Variants in CDKL2 observed in about 807,000 individuals in gnomAD.
The protein encoded by CDKL2 is cyclin-dependent kinase-like 2.
A neutral mutation model predicts 63.9 loss-of-function variants in CDKL2; 64 were observed. The observed-to-expected ratio is 1.00, with a 90% CI of 0.82 to 1.23. The LOEUF is 1.23. CDKL2 is among the 50% of genes most tolerant of loss of function. The pLI, the probability that CDKL2 is intolerant of heterozygous loss-of-function variation, is 0.00. For synonymous variants in CDKL2, 211 were observed against 229.2 expected (o/e 0.92, Z 0.72); for missense variants, 656 against 668.0 (o/e 0.98, Z 0.20).
intron 6 of CDKL2, among the ~76,000 whole-genome samples, chr4:75,600,679 C>T (rs1729150574): frequency 6.6e-6 from 1 of 152,048 alleles, no homozygotes; most frequent in African/African-American, 2.4e-5. Flanking sequence ...AGGCTGGTCT[C>T]GAACTCTGAG....
rs181723140 is a variant in CDKL2, at chr4:75,587,476, G to C, written c.1647+4343C>G. Among the ~76,000 whole-genome samples, 228 of 151,992 alleles carry C rather than the reference G, an allele frequency of 1.5e-3. 1 individual carries two copies. Among genetic ancestry groups the C allele is most frequent in the African/African-American group, 5.4e-3 (223 of 41,482 alleles). On this transcript the variant is annotated intron_variant, in intron 12 of 13. Transcript: ENST00000307465. ...CTCAAAAGCAAAAACAAAACAAAAG[G>C]ACAAGAAGAGAATGCTATGAACAAC...
chr4:75,600,763 A>G (rs962982012), intron 6 of CDKL2, among the ~76,000 whole-genome samples: 6 of 152,198 alleles, frequency 3.9e-5, no homozygotes, highest in South Asian at 2.1e-4. Flanking sequence ...TTGCCCGCCA[A>G]TGAATTTTAC....
chr4:75,606,736 T>C lies in CDKL2; in HGVS notation c.542+447A>G, dbSNP rs576499953. ...CTGACAACAGAACTTGTAGAAAATA[T>C]TTTAGAAAGATTTCAATCAAAAGCA... On this transcript the variant is annotated intron_variant, in intron 4 of 13. Coordinates refer to ENST00000307465, the MANE Select transcript of CDKL2 (RefSeq NM_001330724.2). Among the ~76,000 whole-genome samples, 193 of 152,188 alleles carry C rather than the reference T, an allele frequency of 1.3e-3. 2 individuals are homozygous for C. Among genetic ancestry groups the C allele is most frequent in the Non-Finnish European group, 8.2e-4 (56 of 68,036 alleles).
chr4:75,595,051 G>C (rs553814641), intron 10 of CDKL2, among the ~76,000 whole-genome samples: 5 of 152,198 alleles, frequency 3.3e-5, no homozygotes, highest in Admixed American at 1.3e-4. Context: ...CCTGTGCTCT[G>C]TCTAAATACA....
chr4:75,615,960 A>T (rs1318969921), intron 2 of CDKL2, among the ~76,000 whole-genome samples: 1 of 152,234 alleles, frequency 6.6e-6, no homozygotes, highest in Non-Finnish European at 1.5e-5. Flanking sequence ...TGATCATGCC[A>T]CTGCACTTCA....
At chr4:75,619,000 G>A (rs546261650) in intron 2 of CDKL2, among the ~76,000 whole-genome samples, 27 of 152,212 alleles carry the variant, frequency 1.8e-4, no homozygotes, top group Non-Finnish European at 3.4e-4. Context: ...TCTGGACAAA[G>A]AAAACCCTAC....
At chr4:75,616,084 T>C (rs948263398) in intron 2 of CDKL2, among the ~76,000 whole-genome samples, 2 of 152,066 alleles carry the variant, frequency 1.3e-5, no homozygotes, top group Admixed American at 6.6e-5. Context: ...GAAAATGAAA[T>C]AGAAATAGAA....
chr4:75,598,246 A>G, intron 7 of CDKL2, 34 bp from the exon 8 acceptor site: 1 of 1,206,200 alleles, frequency 8.3e-7, no homozygotes, highest in Non-Finnish European at 1.1e-6. Context: ...AAATTGTAAG[A>G]CATGGATAAA....
intron 5 of CDKL2, 30 bp downstream of exon 5, chr4:75,605,492 A>G: frequency 7.5e-7 from 1 of 1,327,486 alleles, no homozygotes; most frequent in Non-Finnish European, 1.1e-6. Flanking sequence ...AAAAATCTCT[A>G]AAATTTAAAA....
intron 3 of CDKL2, among the ~76,000 whole-genome samples, chr4:75,608,715 C>T (rs1031278546): frequency 6.6e-6 from 1 of 151,972 alleles, no homozygotes. Flanking sequence ...ATCAATAGGC[C>T]GCACGCAGTG....
intron 8 of CDKL2, among the ~76,000 whole-genome samples, chr4:75,597,718 T>C (rs1372883877): frequency 6.6e-6 from 1 of 152,234 alleles, no homozygotes; most frequent in African/African-American, 2.4e-5. Flanking sequence ...TTTTACTTCA[T>C]ATAAATTTCT....
intron 1 of CDKL2, among the ~76,000 whole-genome samples, chr4:75,626,476 C>T (rs1364283150): frequency 6.6e-6 from 1 of 152,076 alleles, no homozygotes; most frequent in South Asian, 2.1e-4. Context: ...ACCATCCTGG[C>T]TAACACGGTG....
intron 12 of CDKL2, among the ~76,000 whole-genome samples, chr4:75,582,308 T>A (rs974911513): frequency 6.6e-6 from 1 of 152,138 alleles, no homozygotes; most frequent in African/African-American, 2.4e-5. Flanking sequence ...AATGAAGGGA[T>A]AGGAATTCTT....
intron 6 of CDKL2, among the ~76,000 whole-genome samples, chr4:75,602,987 CTTTTTTTTTT>C (rs1165939407): frequency 2.3e-5 from 2 of 87,468 alleles, no homozygotes; most frequent in Non-Finnish European, 4.2e-5. Flanking sequence ...TAAATGGTTT[CTTTTTTTTTT>C]TTTTTTTTTT....
In CDKL2 at chr4:75,591,869, G is replaced by A; in HGVS notation, c.1597C>T (p.Pro533Ser). 6.5e-7 allele frequency: 1 copy of A among 1,535,968 alleles called. No homozygotes were observed. The highest frequency in any genetic ancestry group is 8.7e-7 in the Non-Finnish European group (1 of 1,146,860). Residue 533 changes from proline to serine, a missense_variant, in exon 12 of 14, where the codon CCT becomes TCT. By Grantham distance (74) the Pro-to-Ser change is moderately conservative. Coordinates refer to ENST00000307465, the MANE Select transcript of CDKL2 (RefSeq NM_001330724.2). ...ESKILSESRIPSLAAIDLHTP... is the reference protein window; with the variant it reads ...ESKILSESRISSLAAIDLHTP... ...TGCAGGTCAATAGCAGCCAGAGAAG[G>A]AATTCGAGATTCTGAAAGAATTTTG...
chr4:75,613,389 A>G (rs1328541756), intron 3 of CDKL2, among the ~76,000 whole-genome samples: 2 of 152,156 alleles, frequency 1.3e-5, no homozygotes, highest in Non-Finnish European at 1.5e-5. Context: ...AGGTATGTAA[A>G]ATGATTTTTT....
Position 75,614,395 on chromosome 4 carries a change from G to A in CDKL2, c.223C>T (p.Arg75Ter), listed in dbSNP as rs533914363. Residue 75 changes from arginine (R) to a stop codon, truncating the protein, a stop_gained, in exon 3 of 14, where the codon CGA becomes TGA. Coordinates refer to ENST00000307465, the MANE Select transcript of CDKL2 (RefSeq NM_001330724.2). LOFTEE classifies it high-confidence loss of function. ...ACAAATTCAAAGACTAGGTACCATC[G>A]TTTTTTTTTCTTACACACTTCCAAG... ...NLLEVCKKKKRWYLVFEFVDH... is the reference protein window; with the variant it reads ...NLLEVCKKKK 8.9e-6 allele frequency: 14 copies of A among 1,567,676 alleles called. 1 individual carries two copies. Among genetic ancestry groups the A allele is most frequent in the South Asian group, 5.8e-5 (5 of 85,744 alleles).
intron 12 of CDKL2, among the ~76,000 whole-genome samples, chr4:75,588,328 A>G (rs1158856027): frequency 6.6e-6 from 1 of 152,196 alleles, no homozygotes; most frequent in Admixed American, 6.5e-5. Flanking sequence ...CCAACTTATT[A>G]AACTTTTTCA....
intron 3 of CDKL2, among the ~76,000 whole-genome samples, chr4:75,609,391 G>A (rs1004211779): frequency 6.6e-6 from 1 of 151,852 alleles, no homozygotes; most frequent in African/African-American, 2.4e-5. Context: ...TGGATCATGA[G>A]GTCAGGAGTT....
Sources: allele counts gnomAD v4.1 joint callset (sites outside exome capture counted in the v4.1 genomes callset), GRCh38; gene constraint gnomAD v4.1.1; transcripts MANE v1.5; gene names NCBI Gene and HGNC (gene_info 2026-07-23, HGNC 2026-07-21).